FRMD4A: variants seen among roughly 807,000 people sequenced by gnomAD.
FRMD4A encodes FERM domain containing 4A, also known as FERM domain-containing protein 4A.
FRMD4A carries 29 observed loss-of-function variants against 129.1 expected under a neutral mutation model. The ratio of observed to expected loss-of-function variants is 0.22; its 90% CI spans 0.17 to 0.31. The LOEUF is 0.31. Among genes scored for constraint, FRMD4A ranks in the 10% least tolerant of loss-of-function variants. The probability of loss-of-function intolerance (pLI) is 1.00; values close to 1 mark genes in which losing one functional copy is unlikely to be tolerated. For missense variants in FRMD4A, 1,272 were observed against 1,375.8 expected, an observed-to-expected ratio of 0.92 and a Z score of 1.19; for synonymous variants, 634 against 571.6, an observed-to-expected ratio of 1.11 and a Z score of -1.56.
intron 2 of FRMD4A, among the ~76,000 whole-genome samples, chr10:14,276,144 G>GT (rs1845332040): frequency 1.3e-5 from 2 of 152,228 alleles, no homozygotes; most frequent in African/African-American, 4.8e-5. Flanking sequence ...CTGGGGGATA[G>GT]TTTTTTCCCA....
chr10:13,647,058 G>A (rs2081163297), intron 24 of FRMD4A, 23 bp from the exon 25 acceptor site: 1 of 680,230 alleles, frequency 1.5e-6, no homozygotes, highest in African/African-American at 2.0e-5. Context: ...CAAGAAAGGA[G>A]ATGAGACAGT....
At chr10:13,818,070 T>C (rs2093573051) in intron 3 of FRMD4A, among the ~76,000 whole-genome samples, 1 of 152,238 alleles carries the variant, frequency 6.6e-6, no homozygotes, top group South Asian at 2.1e-4. Flanking sequence ...TTAGACAAAT[T>C]ACGCAAGCTC....
At chr10:14,040,707 G>A (rs1484174350) in intron 2 of FRMD4A, among the ~76,000 whole-genome samples, 2 of 151,536 alleles carry the variant, frequency 1.3e-5, no homozygotes, top group African/African-American at 4.8e-5. Context: ...TTAACAGGAT[G>A]AGTACTCCTC....
intron 2 of FRMD4A, among the ~76,000 whole-genome samples, chr10:14,247,634 C>T (rs986906546): frequency 6.6e-6 from 1 of 152,122 alleles, no homozygotes; most frequent in African/African-American, 2.4e-5. Context: ...ATACCAAAAC[C>T]ACATTTATTC....
At chr10:13,922,588 G>T (rs1399865023) in intron 2 of FRMD4A, among the ~76,000 whole-genome samples, 1 of 152,124 alleles carries the variant, frequency 6.6e-6, no homozygotes, top group Non-Finnish European at 1.5e-5. Flanking sequence ...AAAATAAAAA[G>T]CTCTCCTCCT....
At chr10:14,181,974 C>T (rs1259204611) in intron 2 of FRMD4A, among the ~76,000 whole-genome samples, 2 of 152,214 alleles carry the variant, frequency 1.3e-5, no homozygotes, top group African/African-American at 4.8e-5. Context: ...GGATTACAGA[C>T]GTGAGCCACG....
intron 5 of FRMD4A, among the ~76,000 whole-genome samples, chr10:13,784,225 C>A (rs1031462056): frequency 7.2e-5 from 11 of 152,130 alleles, no homozygotes; most frequent in Middle Eastern, 3.2e-3. Flanking sequence ...GGCCAGAATC[C>A]TCTGGAGGGA....
Position 13,647,017 on chromosome 10 carries a change from A to T in FRMD4A, c.*21T>A, listed in dbSNP as rs2081157593. The T allele has an allele frequency of 1.0e-6, 1 of 972,992 alleles. No homozygotes were observed. 60.3% of individuals were successfully genotyped at this position (972,992 alleles called of 1,614,324 possible). A position where few individuals can be genotyped will look rare whatever the true frequency, so the allele number is the denominator to read the frequency against. ...CTGGATAGAGGGAGGAATCCAGGAA[A>T]CAGCTATCATTGTAGCTCCTGTGGG... On this transcript the variant is annotated 3_prime_UTR_variant, in exon 25 of 25. Transcript: ENST00000357447.
At chr10:14,077,313 C>A (rs1020416448) in intron 2 of FRMD4A, among the ~76,000 whole-genome samples, 7 of 152,126 alleles carry the variant, frequency 4.6e-5, no homozygotes, top group Non-Finnish European at 7.4e-5. Flanking sequence ...TTGGACTTGG[C>A]CAGTGGAAAT....
intron 2 of FRMD4A, among the ~76,000 whole-genome samples, chr10:14,123,301 G>A (rs1213302399): frequency 2.6e-5 from 4 of 152,192 alleles, no homozygotes; most frequent in East Asian, 3.9e-4. Flanking sequence ...ACTCCCTGCA[G>A]GCACAGGCTT....
At chr10:13,673,912 A>C (rs1041148464) in intron 16 of FRMD4A, among the ~76,000 whole-genome samples, 7 of 151,050 alleles carry the variant, frequency 4.6e-5, no homozygotes, top group Non-Finnish European at 1.5e-5. Flanking sequence ...AGTAGCTGGG[A>C]CTACAGACAC....
intron 2 of FRMD4A, among the ~76,000 whole-genome samples, chr10:13,899,350 T>C (rs893701718): frequency 6.6e-6 from 1 of 152,060 alleles, no homozygotes; most frequent in African/African-American, 2.4e-5. Flanking sequence ...GGGATTCCTA[T>C]GAGGTGGAAA....
At chr10:14,129,563 A>G (rs924025646) in intron 2 of FRMD4A, among the ~76,000 whole-genome samples, 16 of 151,958 alleles carry the variant, frequency 1.1e-4, no homozygotes, top group East Asian at 1.9e-4. Context: ...CAGGTGGCTC[A>G]TCTGCTGGGT....
At chr10:13,747,296 G>A (rs1420318081) in intron 9 of FRMD4A, among the ~76,000 whole-genome samples, 1 of 152,044 alleles carries the variant, frequency 6.6e-6, no homozygotes, top group Non-Finnish European at 1.5e-5. Context: ...ACTTTGGGAG[G>A]CCGAGGCAAG....
At chr10:13,748,121 A>G (rs1483792665) in intron 8 of FRMD4A, among the ~76,000 whole-genome samples, 3 of 152,172 alleles carry the variant, frequency 2.0e-5, no homozygotes, top group African/African-American at 7.2e-5. Flanking sequence ...AACGCCCCTG[A>G]GCAGCCCTCA....
At position 13,818,892 on chromosome 10, in the gene FRMD4A, G is replaced by A. The variant is rs149045380; in HGVS notation, c.112-7984C>T. Among the ~76,000 whole-genome samples, 675 of 152,288 alleles carry A rather than the reference G, an allele frequency of 4.4e-3. 5 individuals carry two copies. The highest frequency in any genetic ancestry group is 0.014 in the African/African-American group (581 of 41,562). On this transcript the variant is annotated intron_variant, in intron 3 of 24. Coordinates refer to ENST00000357447, the MANE Select transcript of FRMD4A (RefSeq NM_018027.5). ...TATAATCCCAGGACTTTGGGAAGCC[G>A]AGGTGGGCAGATCACCTGAGGCCAG...
chr10:14,293,968 C>CAGTTATATAGAGTTATATATATAG (rs1845928376), intron 2 of FRMD4A, among the ~76,000 whole-genome samples: 1 of 152,060 alleles, frequency 6.6e-6, no homozygotes, highest in Non-Finnish European at 1.5e-5. Flanking sequence ...AGGATGATTC[C>CAGTTATATAGAGTTATATATATAG]AGTTATATAG....
intron 2 of FRMD4A, among the ~76,000 whole-genome samples, chr10:14,131,375 C>T (rs1033859904): frequency 1.3e-5 from 2 of 150,866 alleles, no homozygotes; most frequent in African/African-American, 4.9e-5. Context: ...GCTGCTTTAG[C>T]TCCTTAGCCC....
chr10:14,202,226 G>A (rs1014725687), intron 2 of FRMD4A, among the ~76,000 whole-genome samples: 2 of 152,098 alleles, frequency 1.3e-5, no homozygotes, highest in Non-Finnish European at 2.9e-5. Context: ...AGGCAGGAGT[G>A]CAGAGCCAGG....
Sources: allele counts gnomAD v4.1 joint callset (sites outside exome capture counted in the v4.1 genomes callset), GRCh38; gene constraint gnomAD v4.1.1; transcripts MANE v1.5; gene names NCBI Gene and HGNC (gene_info 2026-07-23, HGNC 2026-07-21).